UTRN: variants seen among roughly 807,000 people sequenced by gnomAD.
UTRN encodes dystrophin-related protein 1.
Under a neutral mutation model 463.9 loss-of-function variants are expected in UTRN, and 283 were observed. The ratio of observed to expected loss-of-function variants is 0.61; its 90% CI spans 0.55 to 0.67. The LOEUF is 0.67. Among genes scored for constraint, UTRN ranks in the 30% least tolerant of loss-of-function variants. The probability of loss-of-function intolerance (pLI) is 0.00; values close to 1 mark genes in which losing one functional copy is unlikely to be tolerated. For synonymous variants in UTRN, 1,442 were observed against 1,431.5 expected (o/e 1.01, Z -0.17); for missense variants, 3,922 against 4,084.3 (o/e 0.96, Z 1.08).
rs144255593 is a variant in UTRN, at chr6:144,835,792, C to T, written c.9678C>T (p.His3226=). 2.7e-5 allele frequency: 44 copies of T among 1,613,898 alleles called. No homozygotes were observed. Among genetic ancestry groups the T allele is most frequent in the Middle Eastern group, 3.3e-4 (2 of 6,080 alleles). Residue 3226 remains histidine (H), a synonymous_variant, in exon 70 of 75, where the codon CAC becomes CAT. Transcript: ENST00000367545. ...TTTGTCTTGCTAGGGAAGACGAGCA[C>T]GCCCTCATCCAGCAGTATTGCCAAA... The part of the protein sequence containing the change: ...SSTTGSVEDE[H]ALIQQYCQTL...
intron 64 of UTRN, among the ~76,000 whole-genome samples, chr6:144,798,970 G>A (rs913483603): frequency 6.6e-5 from 10 of 152,190 alleles, no homozygotes; most frequent in Admixed American, 2.6e-4. Flanking sequence ...TCAAACTCCC[G>A]ACCATGTGAT....
intron 2 of UTRN, among the ~76,000 whole-genome samples, chr6:144,381,248 C>T (rs1245562436): frequency 6.6e-6 from 1 of 152,160 alleles, no homozygotes; most frequent in East Asian, 1.9e-4. Context: ...CATTTAGCTC[C>T]CACTTAAAAG....
chr6:144,727,862 G>A (rs1695188009), intron 53 of UTRN, among the ~76,000 whole-genome samples: 2 of 152,152 alleles, frequency 1.3e-5, no homozygotes, highest in Non-Finnish European at 2.9e-5. Flanking sequence ...GGCCAAGGCA[G>A]GTGGATCACC....
chr6:144,322,113 C>T (rs1057018680), intron 2 of UTRN, among the ~76,000 whole-genome samples: 9 of 152,206 alleles, frequency 5.9e-5, no homozygotes, highest in Non-Finnish European at 8.8e-5. Flanking sequence ...CCTCTAACTC[C>T]AAGCAAATGA....
chr6:144,848,203 GGAGAATAGAA>G (rs1404736884), intron 74 of UTRN, among the ~76,000 whole-genome samples: 2 of 152,122 alleles, frequency 1.3e-5, no homozygotes, highest in Non-Finnish European at 2.9e-5. Context: ...ATAGCTTCTT[GGAGAATAGAA>G]GAGCAGATGG....
chr6:144,846,078 G>A (rs759892053), intron 73 of UTRN, among the ~76,000 whole-genome samples: 13 of 152,186 alleles, frequency 8.5e-5, no homozygotes, highest in Non-Finnish European at 1.6e-4. Flanking sequence ...AGATGATCAT[G>A]TAGCAAAAGA....
intron 54 of UTRN, among the ~76,000 whole-genome samples, chr6:144,744,824 C>G (rs890743897): frequency 6.6e-6 from 1 of 152,190 alleles, no homozygotes; most frequent in Non-Finnish European, 1.5e-5. Flanking sequence ...CATTTGCTCT[C>G]TGGCCTCCAG....
chr6:144,813,559 C>T (rs1778817605), intron 65 of UTRN, among the ~76,000 whole-genome samples: 1 of 152,146 alleles, frequency 6.6e-6, no homozygotes, highest in African/African-American at 2.4e-5. Context: ...TATAAAGAGA[C>T]ATTTGTAAAG....
chr6:144,428,797 G>C lies in UTRN; in HGVS notation c.598G>C (p.Asp200His). 1 of 1,609,348 alleles carries C rather than the reference G, an allele frequency of 6.2e-7. No homozygotes were observed. The highest frequency in any genetic ancestry group is 1.3e-5 in the African/African-American group (1 of 74,850). Reference protein sequence around the residue: ...HRHKPDLFSWDKVVKMSPIER... With the variant: ...HRHKPDLFSWHKVVKMSPIER... ...TTTCAGACCTGATCTCTTCAGCTGGGATAAAGTTGTCAAAATGTCACCAAT... is the reference window on the plus strand; with the variant it reads ...TTTCAGACCTGATCTCTTCAGCTGGCATAAAGTTGTCAAAATGTCACCAAT... The change falls in exon 8 of 75, where the codon GAT becomes CAT. Residue 200 changes from aspartate to histidine, a missense_variant. Coordinates refer to ENST00000367545, the MANE Select transcript of UTRN (RefSeq NM_007124.3).
chr6:144,842,547 C>A (rs1781677509), intron 73 of UTRN, among the ~76,000 whole-genome samples: 1 of 152,120 alleles, frequency 6.6e-6, no homozygotes, highest in Non-Finnish European at 1.5e-5. Context: ...TGAGATCATG[C>A]CACTGCACTT....
chr6:144,750,222 T>TA (rs1791232174), intron 55 of UTRN, among the ~76,000 whole-genome samples: 2 of 148,936 alleles, frequency 1.3e-5, no homozygotes, highest in African/African-American at 4.9e-5. Context: ...TTTTTACACT[T>TA]ATAATGCCTC....
chr6:144,503,400 T>C (rs2128586259), intron 34 of UTRN, among the ~76,000 whole-genome samples: 1 of 152,292 alleles, frequency 6.6e-6, no homozygotes, highest in East Asian at 1.9e-4. Flanking sequence ...GTTTAAGTCT[T>C]TAATCCATCT....
At chr6:144,782,737 C>A (rs1186245940) in intron 61 of UTRN, among the ~76,000 whole-genome samples, 1 of 152,092 alleles carries the variant, frequency 6.6e-6, no homozygotes, top group African/African-American at 2.4e-5. Flanking sequence ...ACACTCTCAA[C>A]TCCCAGCATA....
At chr6:144,629,068 A>T (rs947892410) in intron 51 of UTRN, among the ~76,000 whole-genome samples, 2 of 152,326 alleles carry the variant, frequency 1.3e-5, no homozygotes, top group East Asian at 1.9e-4. Context: ...TATTCTGAGC[A>T]TGGCCAATAG....
At chr6:144,647,320 T>C (rs1778400175) in intron 51 of UTRN, among the ~76,000 whole-genome samples, 1 of 152,226 alleles carries the variant, frequency 6.6e-6, no homozygotes, top group African/African-American at 2.4e-5. Context: ...TAATTTTTCA[T>C]GTATTTTCAT....
At chr6:144,829,669 G>T (rs1252518035) in intron 69 of UTRN, among the ~76,000 whole-genome samples, 1 of 148,316 alleles carries the variant, frequency 6.7e-6, no homozygotes, top group Non-Finnish European at 1.5e-5. Flanking sequence ...CTGTAAAGTA[G>T]ACAGAAAAGT....
chr6:144,512,142 A>T (rs1585072433), intron 35 of UTRN, among the ~76,000 whole-genome samples: 1 of 152,188 alleles, frequency 6.6e-6, no homozygotes, highest in East Asian at 1.9e-4. Context: ...TTCCATATAT[A>T]CAGAATGAGA....
At chr6:144,463,630 T>C (rs1789630266) in intron 23 of UTRN, among the ~76,000 whole-genome samples, 1 of 151,770 alleles carries the variant, frequency 6.6e-6, no homozygotes, top group African/African-American at 2.4e-5. Flanking sequence ...TTTTTTTTTT[T>C]TCCCCATCAG....
intron 53 of UTRN, among the ~76,000 whole-genome samples, chr6:144,719,590 A>T (rs1786885159): frequency 6.6e-6 from 1 of 152,170 alleles, no homozygotes; most frequent in East Asian, 1.9e-4. Context: ...AAACAGAAAG[A>T]AAGAAAGAAA....
Sources: allele counts gnomAD v4.1 joint callset (sites outside exome capture counted in the v4.1 genomes callset), GRCh38; gene constraint gnomAD v4.1.1; transcripts MANE v1.5; gene names NCBI Gene and HGNC (gene_info 2026-07-23, HGNC 2026-07-21).